The following CKMT2 variants were observed in gnomAD, a reference collection of about 807,000 sequenced individuals.
CKMT2 encodes creatine kinase, mitochondrial 2, also known as creatine kinase S-type, mitochondrial.
CKMT2 carries 43 observed loss-of-function variants against 48.9 expected under a neutral mutation model. The observed-to-expected ratio is 0.88, with a 90% confidence interval of 0.69 to 1.13. The LOEUF (loss-of-function observed/expected upper bound fraction) is 1.13. Ranked by LOEUF, CKMT2 falls within the 50% of genes most tolerant of loss-of-function variation. The pLI, the probability that CKMT2 is intolerant of heterozygous loss-of-function variation, is 0.00. For synonymous variants in CKMT2, 206 were observed against 213.0 expected (o/e 0.97, Z 0.29); for missense variants, 472 against 555.4 (o/e 0.85, Z 1.51).
chr5:81,243,990 G>C (rs1671686167), intron 1 of CKMT2: 2 of 978,328 alleles, frequency 2.0e-6, no homozygotes, highest in Non-Finnish European at 2.4e-6. Flanking sequence ...ACCATGCCCA[G>C]TCCCTAATAT....
At chr5:81,250,009 TCA>T (rs1389294410) in intron 1 of CKMT2, among the ~76,000 whole-genome samples, 1 of 152,246 alleles carries the variant, frequency 6.6e-6, no homozygotes, top group Non-Finnish European at 1.5e-5. Context: ...GATTCTTTTA[TCA>T]GTTTTAAAAA....
intron 1 of CKMT2, among the ~76,000 whole-genome samples, chr5:81,249,829 C>A (rs1301463946): frequency 1.3e-5 from 2 of 152,136 alleles, no homozygotes; most frequent in Non-Finnish European, 2.9e-5. Flanking sequence ...ATATTATCTA[C>A]CTGGGCTCAT....
rs564690255 is a variant in CKMT2 at position 81,263,314 on chromosome 5, TTTA to T, written c.1015-174_1015-172del. Among the ~76,000 whole-genome samples, 164 of 150,026 alleles carry T rather than the reference TTTA, an allele frequency of 1.1e-3. 1 individual carries two copies. The highest frequency in any genetic ancestry group is 4.3e-4 in the Non-Finnish European group (29 of 67,652). On this transcript the variant is annotated intron_variant, in intron 8 of 9. Transcript: ENST00000254035. Reference sequence around the variant, plus strand: ...GTTCTGCACATGTATCCCAGAACGCTTTATTTAGTTAATCTATATATTCAATAT... The same window carrying T: ...GTTCTGCACATGTATCCCAGAACGCTTTTAGTTAATCTATATATTCAATAT...
intron 1 of CKMT2, among the ~76,000 whole-genome samples, chr5:81,240,100 T>C (rs1396608655): frequency 6.6e-6 from 1 of 151,790 alleles, no homozygotes; most frequent in Non-Finnish European, 1.5e-5. Flanking sequence ...AACATATCAG[T>C]GTCATTCACC....
intron 1 of CKMT2, chr5:81,245,337 C>T (rs577454921): frequency 6.6e-6 from 1 of 152,318 alleles, no homozygotes; most frequent in South Asian, 2.1e-4. Context: ...GTTCAAATTC[C>T]ATCTCTGTCG....
rs148635972 is a variant in CKMT2, at chr5:81,235,273, C to A, written c.-21+1896C>A. Among the ~76,000 whole-genome samples, 383 of 152,234 alleles carry A rather than the reference C, an allele frequency of 2.5e-3. 3 individuals are homozygous for A. Among genetic ancestry groups the A allele is most frequent in the African/African-American group, 8.6e-3 (358 of 41,522 alleles). On this transcript the variant is annotated intron_variant, in intron 1 of 9. Coordinates refer to ENST00000254035, the MANE Select transcript of CKMT2 (RefSeq NM_001099735.2). ...CAAGAGTGCCCATTAAGGTTGGCTG[C>A]GTACTAAGTGGTTTTGAGGTAACGC...
In CKMT2 at chr5:81,254,454, G is replaced by A. The variant is rs751447217; in HGVS notation, c.410G>A (p.Arg137Lys). The change falls in exon 4 of 10, where the codon AGG becomes AAG. Residue 137 changes from arginine (R) to lysine (K), a missense_variant. Coordinates refer to ENST00000254035, the MANE Select transcript of CKMT2 (RefSeq NM_001099735.2). ...CTAAGACACAACGGCTATGACCCCA[G>A]GGTGATGAAGCACACAACGGATCTG... ...IKLRHNGYDP[R>K]VMKHTTDLDA... The A allele has an allele frequency of 3.7e-6, 6 of 1,614,142 alleles. No homozygotes were observed. In the South Asian group the frequency reaches 6.6e-5, roughly 18 times the overall value.
chr5:81,244,563 A>T (rs934268607), intron 1 of CKMT2, among the ~76,000 whole-genome samples: 6 of 152,232 alleles, frequency 3.9e-5, no homozygotes, highest in African/African-American at 9.6e-5. Context: ...CTGCCCAAAG[A>T]AATTTCAATT....
intron 9 of CKMT2, 110 bp from the exon 10 acceptor site, chr5:81,266,028 TG>T (rs1343469419): frequency 3.4e-6 from 3 of 877,442 alleles, no homozygotes; most frequent in Non-Finnish European, 5.3e-6. Flanking sequence ...GGAATTGTTG[TG>T]AAGTCCATCT....
intron 1 of CKMT2, chr5:81,250,893 A>G (rs1345412583): frequency 3.1e-6 from 1 of 325,314 alleles, no homozygotes; most frequent in African/African-American, 2.2e-5. Flanking sequence ...AAAACTACCC[A>G]GATTTTCCCA....
chr5:81,263,026 G>A (rs559201011), intron 8 of CKMT2, among the ~76,000 whole-genome samples: 53 of 152,186 alleles, frequency 3.5e-4, no homozygotes, highest in African/African-American at 1.2e-3. Flanking sequence ...TCCTTTGCAG[G>A]GACATGGATG....
chr5:81,258,831 A>G (rs1437680585), intron 7 of CKMT2, among the ~76,000 whole-genome samples: 1 of 152,082 alleles, frequency 6.6e-6, no homozygotes, highest in Non-Finnish European at 1.5e-5. Flanking sequence ...TTCCCTCCCT[A>G]CGATCTGTGG....
intron 1 of CKMT2, among the ~76,000 whole-genome samples, chr5:81,243,418 T>C (rs991785580): frequency 6.6e-6 from 1 of 152,108 alleles, no homozygotes; most frequent in Non-Finnish European, 1.5e-5. Context: ...CAAGAAACAG[T>C]AATAACTGTT....
intron 7 of CKMT2, among the ~76,000 whole-genome samples, chr5:81,258,577 G>C (rs1757096574): frequency 6.6e-6 from 1 of 152,136 alleles, no homozygotes; most frequent in Admixed American, 6.5e-5. Flanking sequence ...CAACCCCGGG[G>C]CCACGGACCT....
intron 1 of CKMT2, chr5:81,242,353 CTT>C (rs949041890): frequency 4.6e-6 from 2 of 432,610 alleles, no homozygotes; most frequent in Admixed American, 2.6e-5. Flanking sequence ...TTGAAGTACT[CTT>C]TGATGACATC....
intron 6 of CKMT2, 86 bp downstream of exon 6, chr5:81,257,086 T>C: frequency 9.3e-7 from 1 of 1,071,750 alleles, no homozygotes; most frequent in Non-Finnish European, 1.4e-6. Context: ...AGTTGCTGTG[T>C]ACTGCAGTTG....
chr5:81,252,702 T>TACCCAG lies in CKMT2; in HGVS notation c.164_169dup (p.Pro55_Asp56dup), dbSNP rs1224873748. ...GCCCTCCTCCCCACACAGCGCAGAC[T>TACCCAG]ACCCAGACCTGCGCAAGCACAACAA... On this transcript the variant is annotated inframe_insertion, in exon 3 of 10. Transcript: ENST00000254035. The TACCCAG allele has an allele frequency of 6.2e-7, 1 of 1,613,996 alleles. No individual in the cohort carries two copies.
At chr5:81,241,130 T>A (rs951902516) in intron 1 of CKMT2, among the ~76,000 whole-genome samples, 3 of 152,160 alleles carry the variant, frequency 2.0e-5, no homozygotes, top group African/African-American at 7.2e-5. Context: ...ATGGACCCAG[T>A]GATTGTCCCT....
chr5:81,255,821 T>TA (rs34825989), intron 5 of CKMT2, among the ~76,000 whole-genome samples: 35,447 of 140,592 alleles, frequency 0.25, 4,319 homozygotes, highest in Admixed American at 0.31. Context: ...TTTAAACTCT[T>TA]AAAAAAAAAA....
Sources: allele counts gnomAD v4.1 joint callset (sites outside exome capture counted in the v4.1 genomes callset), GRCh38; gene constraint gnomAD v4.1.1; transcripts MANE v1.5; gene names NCBI Gene and HGNC (gene_info 2026-07-23, HGNC 2026-07-21).